The following SPTBN2 variants were observed in gnomAD, a reference collection of about 807,000 sequenced individuals.
SPTBN2 encodes spectrin beta chain, non-erythrocytic 2.
In SPTBN2, 107 loss-of-function variants were observed where a neutral mutation model predicts 284.2. The ratio of observed to expected loss-of-function variants is 0.38; its 90% confidence interval spans 0.32 to 0.44. SPTBN2 has a LOEUF of 0.44. Among genes scored for constraint, SPTBN2 ranks in the 20% least tolerant of loss-of-function variants. The pLI, the probability that SPTBN2 is intolerant of heterozygous loss-of-function variation, is 1.00. For missense variants in SPTBN2, 2,569 were observed against 3,287.1 expected, an observed-to-expected ratio of 0.78 and a Z score of 5.34; for synonymous variants, 1,289 against 1,354.8, an observed-to-expected ratio of 0.95 and a Z score of 1.07.
intron 1 of SPTBN2, among the ~76,000 whole-genome samples, chr11:66,721,685 C>T (rs1238955229): frequency 6.6e-6 from 1 of 152,156 alleles, no homozygotes; most frequent in African/African-American, 2.4e-5. Context: ...TTTCCTTCTA[C>T]AAACTGTTTT....
rs1322493848 is a variant in SPTBN2 at position 66,689,940 on chromosome 11, A to G, written c.5814T>C (p.Asp1938=). The part of the protein sequence containing the change: ...LQMDAQERPR[D]VSSADLVIKN... ...TGATGACTAGATCCGCGGAGGACAC[A>G]TCCCTGGGGGGAGGCAGAAACAGCA... Residue 1938 remains aspartate (D), a synonymous_variant, in exon 29 of 38, where the codon GAT becomes GAC. Coordinates refer to ENST00000533211, the MANE Select transcript of SPTBN2 (RefSeq NM_006946.4). 6.2e-7 allele frequency: 1 copy of G among 1,613,710 alleles called. No individual in the cohort carries two copies. Among genetic ancestry groups the G allele is most frequent in the East Asian group, 2.2e-5 (1 of 44,826 alleles).
intron 20 of SPTBN2, among the ~76,000 whole-genome samples, chr11:66,697,223 T>G (rs1940970883): frequency 1.3e-5 from 2 of 152,242 alleles, no homozygotes; most frequent in Admixed American, 1.3e-4. Flanking sequence ...CTGTCCCTTC[T>G]CATGGCTCCA....
At position 66,683,341 on chromosome 11, in the gene SPTBN2, C is replaced by T. The variant is rs1006611798; in HGVS notation, c.*2530G>A. Among the ~76,000 whole-genome samples, 3 of 152,308 alleles carry T rather than the reference C, an allele frequency of 2.0e-5. No homozygotes were observed. Among genetic ancestry groups the T allele is most frequent in the Non-Finnish European group, 2.9e-5 (2 of 68,018 alleles). ...TCGGCCTCCCAAAGTGCTGGGATTA[C>T]AGGCGTGAGCCACCGCGCCCGGCCC... On this transcript the variant is annotated 3_prime_UTR_variant, in exon 38 of 38. Transcript: ENST00000533211.
rs1322754598 is a variant in SPTBN2 at position 66,687,996 on chromosome 11, G to C, written c.6450+8C>G. ...TCCGATGGGGGCACAGAGGGACAGT[G>C]GGGTCACCTGTGAGGGCTCTCCATC... On this transcript the variant is annotated splice_region_variant and intron_variant, in intron 33 of 37. Coordinates refer to ENST00000533211, the MANE Select transcript of SPTBN2 (RefSeq NM_006946.4). The surrounding 1 kb of genome is among the most constrained non-coding windows in gnomAD (Gnocchi z 5.2). 2 of 1,614,186 alleles carry C rather than the reference G, an allele frequency of 1.2e-6. No homozygotes were observed. The highest frequency in any genetic ancestry group is 1.7e-5 in the Admixed American group (1 of 60,020).
chr11:66,699,499 A>G lies in SPTBN2; in HGVS notation c.3683T>C (p.Ile1228Thr). 6.2e-7 allele frequency: 1 copy of G among 1,614,096 alleles called. No individual in the cohort carries two copies. The highest frequency in any genetic ancestry group is 1.6e-4 in the Middle Eastern group (1 of 6,062). ...GCGGCCAGCCTCCAGGAGCCCGTGG[A>G]TCCGTTCCCCATTGGCGTCCATGGT... ...MSTMDANGERIHGLLEAGRQL... is the reference protein window; with the variant it reads ...MSTMDANGERTHGLLEAGRQL... Residue 1228 changes from isoleucine to threonine, a missense_variant, in exon 18 of 38, where the codon ATC (isoleucine) becomes ACC (threonine). Around this residue, in one of 6 missense-constraint regions of SPTBN2, gnomAD observed 1,012 missense variants for 1,248.9 expected, o/e 0.81. Coordinates refer to ENST00000533211, the MANE Select transcript of SPTBN2 (RefSeq NM_006946.4).
chr11:66,685,938 A>T lies in SPTBN2; in HGVS notation c.7106T>A (p.Leu2369His). ...SPVGAEGPVVLRSKDGRERER... is the reference protein window; with the variant it reads ...SPVGAEGPVVHRSKDGRERER... ...TCGTTCTCTGCCGTCTTTGCTGCGGAGCACAACAGGCCCCTCAGCCCCGAC... is the reference window on the plus strand; with the variant it reads ...TCGTTCTCTGCCGTCTTTGCTGCGGTGCACAACAGGCCCCTCAGCCCCGAC... The change falls in exon 38 of 38, where the codon CTC becomes CAC. Residue 2369 changes from leucine (L) to histidine (H), a missense_variant. Physicochemically the swap from Leu to His is moderately conservative, Grantham distance 99 (BLOSUM62 -3). This residue lies in a region of SPTBN2 where 1,130 missense variants were observed against 1,317.3 expected (regional missense o/e 0.86). Coordinates refer to ENST00000533211, the MANE Select transcript of SPTBN2 (RefSeq NM_006946.4). The surrounding 1 kb of genome is among the most constrained non-coding windows in gnomAD (Gnocchi z 4.4). The T allele has an allele frequency of 6.2e-7, 1 of 1,613,910 alleles. No homozygotes were observed. The highest frequency in any genetic ancestry group is 8.5e-7 in the Non-Finnish European group (1 of 1,180,034).
chr11:66,698,416 C>T (rs951754657), intron 20 of SPTBN2, among the ~76,000 whole-genome samples: 3 of 152,236 alleles, frequency 2.0e-5, no homozygotes, highest in African/African-American at 7.2e-5. Context: ...GCTGCAGTTT[C>T]GCTACCTGCT....
At position 66,708,344 on chromosome 11, in the gene SPTBN2, GGC is replaced by G; in HGVS notation, c.1192-47_1192-46del. Reference sequence around the variant, plus strand: ...TTAGTGGAAGGGACAGGGTGGGGAGGGCTCAGTGGGGCTGGAGGCACATGGTA... The same window carrying G: ...TTAGTGGAAGGGACAGGGTGGGGAGGTCAGTGGGGCTGGAGGCACATGGTA... On this transcript the variant is annotated intron_variant, in intron 11 of 37. Transcript: ENST00000533211. The surrounding 1 kb of genome is among the most constrained non-coding windows in gnomAD (Gnocchi z 4.4). The G allele has an allele frequency of 6.6e-7, 1 of 1,510,294 alleles. No individual in the cohort carries two copies. The highest frequency in any genetic ancestry group is 8.9e-7 in the Non-Finnish European group (1 of 1,123,172). The allele number at this position is 1,510,294 out of a possible 1,614,324, so 93.6% of individuals were successfully genotyped here.
rs111640781 is a variant in SPTBN2 at position 66,723,024 on chromosome 11, T to C, written c.-113-1584A>G. On this transcript the variant is annotated intron_variant, in intron 1 of 37. Transcript: ENST00000533211. ...GCTCTTAATCGCAGCCTCTTGAACATAGAACATACACAGGTTCCTCAACCG... is the reference window on the plus strand; with the variant it reads ...GCTCTTAATCGCAGCCTCTTGAACACAGAACATACACAGGTTCCTCAACCG... 9.3e-3 allele frequency among the ~76,000 whole-genome samples: 1,410 copies of C among 151,768 alleles called. 25 individuals carry two copies. The highest frequency in any genetic ancestry group is 0.031 in the African/African-American group (1,304 of 41,404).
chr11:66,701,528 C>A, intron 16 of SPTBN2, 56 bp downstream of exon 16: 1 of 1,613,828 alleles, frequency 6.2e-7, no homozygotes, highest in South Asian at 1.1e-5. Flanking sequence ...CTCTCACTGC[C>A]ATCCCCATTG....
chr11:66,743,182 A>G (rs991073366), intron 1 of SPTBN2, among the ~76,000 whole-genome samples: 1 of 152,144 alleles, frequency 6.6e-6, no homozygotes, highest in South Asian at 2.1e-4. Flanking sequence ...TGATTCCTCA[A>G]ATGCCAGCTG....
chr11:66,725,285 T>C (rs1280533111), intron 1 of SPTBN2, among the ~76,000 whole-genome samples: 1 of 152,230 alleles, frequency 6.6e-6, no homozygotes, highest in African/African-American at 2.4e-5. Flanking sequence ...GCTCTGAGGC[T>C]CTGCTACCTT....
Position 66,696,345 on chromosome 11 carries a change from C to G in SPTBN2, c.4210G>C (p.Ala1404Pro). Residue 1404 changes from alanine to proline, a missense_variant, in exon 21 of 38, where the codon GCC becomes CCC. Transcript: ENST00000533211. ...ALESWLESLQAQLHSDDYGKD... is the reference protein window; with the variant it reads ...ALESWLESLQPQLHSDDYGKD... ...CCGTAGTCATCCGAGTGCAGCTGGGCCTGCAGGCTCTCCAGCCAGCTCTCC... is the reference window on the plus strand; with the variant it reads ...CCGTAGTCATCCGAGTGCAGCTGGGGCTGCAGGCTCTCCAGCCAGCTCTCC... 6.2e-7 allele frequency: 1 copy of G among 1,613,346 alleles called. No homozygotes were observed. The highest frequency in any genetic ancestry group is 8.5e-7 in the Non-Finnish European group (1 of 1,180,030).
rs371052714 is a variant in SPTBN2 at position 66,688,297 on chromosome 11, C to T, written c.6246G>A (p.Glu2082=). ...LEKLTALEER[E]KERKRKREEE... is the part of the protein sequence containing the mutation. ...CCTCCCTCTTTCTCTTTCGCTCCTT[C>T]TCCCGCTCCTCTAGCTGTCAAAAAA... is the stretch of plus-strand genomic sequence containing the variant. The change falls in exon 32 of 38, where the codon GAG becomes GAA. Residue 2082 remains glutamate, a synonymous_variant. Transcript: ENST00000533211. 5.3e-5 allele frequency: 85 copies of T among 1,598,514 alleles called. No homozygotes were observed. The highest frequency in any genetic ancestry group is 6.9e-5 in the Non-Finnish European group (81 of 1,172,594).
intron 3 of SPTBN2, among the ~76,000 whole-genome samples, chr11:66,716,530 G>A (rs1319826290): frequency 3.3e-5 from 5 of 152,028 alleles, no homozygotes; most frequent in Non-Finnish European, 7.4e-5. Context: ...GAGAAGAAAG[G>A]ATGAAGACCT....
In SPTBN2 at chr11:66,709,071, A is replaced by G. The variant is rs1293628246; in HGVS notation, c.1074-52T>C. The G allele has an allele frequency of 6.1e-6, 9 of 1,466,172 alleles. No individual in the cohort carries two copies. In the East Asian group the frequency reaches 2.0e-4, roughly 33 times the overall value. The allele number at this position is 1,466,172 out of a possible 1,614,324, so 90.8% of individuals were successfully genotyped here. ...AGAATTAAAGCCCACGAGGGTCACAAGGACTCTTTACTCTTCCAAATGGGT... is the reference window on the plus strand; with the variant it reads ...AGAATTAAAGCCCACGAGGGTCACAGGGACTCTTTACTCTTCCAAATGGGT... On this transcript the variant is annotated intron_variant, in intron 10 of 37. Coordinates refer to ENST00000533211, the MANE Select transcript of SPTBN2 (RefSeq NM_006946.4).
chr11:66,690,143 C>G lies in SPTBN2; in HGVS notation c.5706G>C (p.Leu1902=), dbSNP rs563999213. 14 of 1,614,220 alleles carry G rather than the reference C, an allele frequency of 8.7e-6. No individual in the cohort carries two copies. The South Asian group carries it at 1.4e-4, about 16-fold the overall frequency. Residue 1902 remains leucine, a synonymous_variant, in exon 28 of 38, where the codon CTG becomes CTC. Transcript: ENST00000533211. ...GGAACTTGTCTGTGGTGTCCAGCAG[C>G]AGCTGCCGGCGGGCGGCAGAGCTTC... ...LQGSSAARRQ[L]LLDTTDKFRF...
rs1939858540 is a variant in SPTBN2 at position 66,682,563 on chromosome 11, A to C, written c.*3308T>G. Among the ~76,000 whole-genome samples the C allele has an allele frequency of 6.6e-6, 1 of 152,114 alleles. No homozygotes were observed. Among genetic ancestry groups the C allele is most frequent in the Admixed American group, 6.5e-5 (1 of 15,274 alleles). On this transcript the variant is annotated 3_prime_UTR_variant, in exon 38 of 38. Coordinates refer to ENST00000533211, the MANE Select transcript of SPTBN2 (RefSeq NM_006946.4). The stretch of plus-strand genomic sequence containing the variant: ...ATCTAAAATATTATTTCAACACATA[A>C]TCAATATAAAAATTAAGGTATTTAA...
Position 66,690,217 on chromosome 11 carries a change from TCTC to T in SPTBN2, c.5629_5631del (p.Glu1877del). On this transcript the variant is annotated inframe_deletion, in exon 28 of 38. Coordinates refer to ENST00000533211, the MANE Select transcript of SPTBN2 (RefSeq NM_006946.4). ...GCCACGGCCTGCATGTGGCGGCCGA[TCTC>T]CTCAGCCTTGTCTCCAGCGTAGGCC... 6.2e-7 allele frequency: 1 copy of T among 1,613,704 alleles called. No individual in the cohort carries two copies. Among genetic ancestry groups the T allele is most frequent in the Non-Finnish European group, 8.5e-7 (1 of 1,179,884 alleles).
Sources: allele counts gnomAD v4.1 joint callset (sites outside exome capture counted in the v4.1 genomes callset), GRCh38; gene constraint gnomAD v4.1.1; regional missense constraint gnomAD v4.1.1; non-coding constraint Gnocchi (gnomAD v3.1); transcripts MANE v1.5; gene names NCBI Gene and HGNC (gene_info 2026-07-23, HGNC 2026-07-21).